DHCR24: variants seen among roughly 807,000 people sequenced by gnomAD.
DHCR24 encodes 24-dehydrocholesterol reductase.
A neutral mutation model predicts 61.2 loss-of-function variants in DHCR24; 28 were observed. The ratio of observed to expected loss-of-function variants is 0.46; its 90% CI spans 0.34 to 0.63. DHCR24 has a LOEUF of 0.63. Among genes scored for constraint, DHCR24 ranks in the 20% least tolerant of loss-of-function variants. DHCR24 has a pLI of 0.01. For synonymous variants in DHCR24, 261 were observed against 275.9 expected, an observed-to-expected ratio of 0.95 and a Z score of 0.54; for missense variants, 538 against 679.1, an observed-to-expected ratio of 0.79 and a Z score of 2.31.
intron 3 of DHCR24, 23 bp from the exon 4 acceptor site, chr1:54,875,234 G>A (rs1186386163): frequency 1.2e-6 from 2 of 1,607,548 alleles, no homozygotes; most frequent in East Asian, 2.2e-5. Flanking sequence ...CACACACAGT[G>A]TCAGCAGGGA....
chr1:54,858,049 G>T (rs148172629), intron 6 of DHCR24, among the ~76,000 whole-genome samples: 4 of 152,190 alleles, frequency 2.6e-5, no homozygotes, highest in South Asian at 2.1e-4. Flanking sequence ...CCCAGCAGAG[G>T]GGGGGAAAAG....
Position 54,881,128 on chromosome 1 carries a change from C to T in DHCR24, c.387+2490G>A, listed in dbSNP as rs777986236. Among the ~76,000 whole-genome samples the T allele has an allele frequency of 1.6e-4, 25 of 152,250 alleles. No individual in the cohort carries two copies. In the East Asian group the frequency reaches 1.9e-3, roughly 12 times the overall value. On this transcript the variant is annotated intron_variant, in intron 2 of 8. Transcript: ENST00000371269. Reference sequence around the variant, plus strand: ...TCGTGCCACTGCACTCTAGCCAGGGCGACAGAGTGAAACTCTGTCTCAAAA... The same window carrying T: ...TCGTGCCACTGCACTCTAGCCAGGGTGACAGAGTGAAACTCTGTCTCAAAA...
At chr1:54,875,030 T>C (rs1647018843) in intron 4 of DHCR24, 63 bp downstream of exon 4, 2 of 1,436,574 alleles carry the variant, frequency 1.4e-6, no homozygotes, top group South Asian at 2.3e-5. Flanking sequence ...GCCACCTCCC[T>C]GACCTCAGGA....
At chr1:54,876,382 G>A (rs1647028579) in intron 2 of DHCR24, among the ~76,000 whole-genome samples, 1 of 152,160 alleles carries the variant, frequency 6.6e-6, no homozygotes, top group Admixed American at 6.5e-5. Flanking sequence ...GGCTGGTCGT[G>A]GTGACTCATG....
chr1:54,886,705 G>GT, intron 1 of DHCR24, 184 bp downstream of exon 1: 1 of 1,465,232 alleles, frequency 6.8e-7, no homozygotes, highest in Non-Finnish European at 9.0e-7. Flanking sequence ...CACTTTGCCT[G>GT]TTCTGTTCCC....
intron 6 of DHCR24, among the ~76,000 whole-genome samples, chr1:54,859,879 T>C (rs1646926196): frequency 6.6e-6 from 1 of 152,212 alleles, no homozygotes; most frequent in Admixed American, 6.5e-5. Flanking sequence ...GTTCCTCTCC[T>C]TTCTCTTAAC....
intron 4 of DHCR24, among the ~76,000 whole-genome samples, chr1:54,874,766 G>A (rs1390350205): frequency 6.6e-6 from 1 of 151,994 alleles, no homozygotes; most frequent in Non-Finnish European, 1.5e-5. Context: ...TGTGACCTAT[G>A]GCAAATAATC....
intron 4 of DHCR24, among the ~76,000 whole-genome samples, chr1:54,874,810 G>A (rs1467963144): frequency 6.7e-6 from 1 of 149,582 alleles, no homozygotes; most frequent in African/African-American, 2.5e-5. Context: ...TATAAAATAG[G>A]GATAATAATC....
At chr1:54,873,606 GATAATCTTGACTC>G (rs1436195332) in intron 4 of DHCR24, among the ~76,000 whole-genome samples, 1 of 152,188 alleles carries the variant, frequency 6.6e-6, no homozygotes, top group Non-Finnish European at 1.5e-5. Flanking sequence ...AAGCGTTATT[GATAATCTTGACTC>G]TGTGTAGGCC....
At position 54,852,057 on chromosome 1, in the gene DHCR24, T is replaced by C; in HGVS notation, c.*176A>G. ...GTCTGACTCCAAATCCCACATTCTT[T>C]CCATTCCACTGGGCTGCCCCCTGGA... On this transcript the variant is annotated 3_prime_UTR_variant, in exon 9 of 9. Coordinates refer to ENST00000371269, the MANE Select transcript of DHCR24 (RefSeq NM_014762.4). 1 of 687,440 alleles carries C rather than the reference T, an allele frequency of 1.5e-6. No individual in the cohort carries two copies. Among genetic ancestry groups the C allele is most frequent in the South Asian group, 1.9e-5 (1 of 53,260 alleles). The allele number at this position is 687,440 out of a possible 1,614,324, so 42.6% of individuals were successfully genotyped here. A position where few individuals can be genotyped will look rare whatever the true frequency, so the allele number is the denominator to read the frequency against.
intron 6 of DHCR24, among the ~76,000 whole-genome samples, chr1:54,855,394 CAA>C (rs34849017): frequency 1.9e-3 from 225 of 117,656 alleles, no homozygotes; most frequent in African/African-American, 2.0e-3. Flanking sequence ...ACTCCGTCTC[CAA>C]AAAAAAAAAA....
At chr1:54,852,935 T>G (rs143113859) in intron 8 of DHCR24, among the ~76,000 whole-genome samples, 99 of 152,342 alleles carry the variant, frequency 6.5e-4, no homozygotes, top group African/African-American at 2.2e-3. Flanking sequence ...GAATTTTATA[T>G]GAAAGGAATC....
At chr1:54,882,181 T>C (rs757644028) in intron 2 of DHCR24, among the ~76,000 whole-genome samples, 1 of 152,112 alleles carries the variant, frequency 6.6e-6, no homozygotes, top group Non-Finnish European at 1.5e-5. Context: ...CCACCTGAAT[T>C]TTTTTAAATT....
intron 5 of DHCR24, among the ~76,000 whole-genome samples, chr1:54,867,482 C>T (rs1646973734): frequency 6.6e-6 from 1 of 152,046 alleles, no homozygotes; most frequent in Non-Finnish European, 1.5e-5. Flanking sequence ...TTGGGTAAGG[C>T]TCTCTGTGCC....
intron 2 of DHCR24, among the ~76,000 whole-genome samples, chr1:54,881,562 A>G (rs666130): frequency 0.53 from 79,993 of 152,042 alleles, 21,942 homozygotes; most frequent in South Asian, 0.69. Flanking sequence ...TAGTTCAACC[A>G]TGTGGGAGAC....
chr1:54,860,592 T>C (rs1339732156), intron 6 of DHCR24, among the ~76,000 whole-genome samples: 1 of 152,194 alleles, frequency 6.6e-6, no homozygotes, highest in Non-Finnish European at 1.5e-5. Flanking sequence ...CTGATAACCA[T>C]GGCTCCCCTC....
chr1:54,885,341 T>A (rs900193184), intron 1 of DHCR24, among the ~76,000 whole-genome samples: 2 of 152,064 alleles, frequency 1.3e-5, no homozygotes, highest in Non-Finnish European at 2.9e-5. Context: ...GCACTGAAGC[T>A]GGAGGCCAAA....
rs370561957 is a variant in DHCR24, at chr1:54,868,333, GGTGGTGGGCGCCTGTA to G, written c.877-2903_877-2888del. On this transcript the variant is annotated intron_variant, in intron 5 of 8. Coordinates refer to ENST00000371269, the MANE Select transcript of DHCR24 (RefSeq NM_014762.4). ...AAAATACAAAAAATTAGCCGGGCGT[GGTGGTGGGCGCCTGTA>G]GTCCCAGCTACTTGGGAGGCTGAGG... Among the ~76,000 whole-genome samples the G allele has an allele frequency of 3.4e-3, 521 of 152,220 alleles. 10 individuals carry two copies. The East Asian group carries it at 0.043, about 12-fold the overall frequency.
rs1570190975 is a variant in DHCR24 at position 54,868,007 on chromosome 1, CAG to C, written c.877-2563_877-2562del. 3.3e-5 allele frequency among the ~76,000 whole-genome samples: 5 copies of C among 152,296 alleles called. No individual in the cohort carries two copies. In the South Asian group the frequency reaches 6.2e-4, roughly 19 times the overall value. On this transcript the variant is annotated intron_variant, in intron 5 of 8. Coordinates refer to ENST00000371269, the MANE Select transcript of DHCR24 (RefSeq NM_014762.4). ...CTGTTCTGTGCTAGCTGTGTGTCTT[CAG>C]AGAAGTCTCTTTCCCTTTCTGGGCC... is the stretch of plus-strand genomic sequence containing the variant.
Sources: gnomAD v4.1 joint callset for allele counts (sites outside exome capture counted in the v4.1 genomes callset) on GRCh38, gnomAD v4.1.1 for gene constraint, MANE v1.5 for transcripts, NCBI Gene and HGNC (gene_info 2026-07-23, HGNC 2026-07-21) for gene names.